ZNF804A: variants seen among roughly 807,000 people sequenced by gnomAD.
ZNF804A encodes the protein zinc finger protein 804A.
ZNF804A carries 2 observed loss-of-function variants against 16.5 expected under a neutral mutation model. That is an observed-to-expected ratio of 0.12 (90% CI 0.05 to 0.38). The LOEUF (loss-of-function observed/expected upper bound fraction) is 0.38, where lower values mean the gene tolerates loss of function less well. Ranked by LOEUF, ZNF804A falls within the 10% of genes least tolerant of loss-of-function variation. The pLI, the probability that ZNF804A is intolerant of heterozygous loss-of-function variation, is 0.99. For synonymous variants in ZNF804A, 534 were observed against 489.6 expected, an observed-to-expected ratio of 1.09 and a Z score of -1.20; for missense variants, 1,473 against 1,390.7, an observed-to-expected ratio of 1.06 and a Z score of -0.94.
chr2:184,933,697 T>C lies in ZNF804A; in HGVS notation c.350T>C (p.Leu117Pro). The C allele has an allele frequency of 6.2e-7, 1 of 1,608,082 alleles. No homozygotes were observed. The highest frequency in any genetic ancestry group is 8.5e-7 in the Non-Finnish European group (1 of 1,178,152). ...AAACAGGAAAAGGCACTCCAACGCC[T>C]GCACAAGCTGGCTGAGCTAAGAAAG... ...ERKQEKALQR[L>P]HKLAELRKET... Residue 117 changes from leucine (L) to proline (P), a missense_variant, in exon 3 of 4, where the codon CTG (leucine) becomes CCG (proline). Physicochemically the swap from Leu to Pro is moderately conservative, Grantham distance 98. Coordinates refer to ENST00000302277, the MANE Select transcript of ZNF804A (RefSeq NM_194250.2).
chr2:184,765,989 G>GAGC (rs1343189825), intron 1 of ZNF804A, among the ~76,000 whole-genome samples: 6 of 152,056 alleles, frequency 3.9e-5, no homozygotes, highest in African/African-American at 1.4e-4. Flanking sequence ...TATTTGGTTA[G>GAGC]AGCAGGAGAA....
chr2:184,802,416 T>C (rs1183249341), intron 1 of ZNF804A, among the ~76,000 whole-genome samples: 1 of 152,238 alleles, frequency 6.6e-6, no homozygotes, highest in African/African-American at 2.4e-5. Context: ...CGTTGTGTCC[T>C]TTAAGGTAAA....
Position 184,797,640 on chromosome 2 carries a change from T to G in ZNF804A, c.112-68729T>G, listed in dbSNP as rs565156957. Among the ~76,000 whole-genome samples the G allele has an allele frequency of 2.0e-5, 3 of 152,308 alleles. No individual in the cohort carries two copies. In the East Asian group the frequency reaches 5.8e-4, roughly 29 times the overall value. On this transcript the variant is annotated intron_variant, in intron 1 of 3. Transcript: ENST00000302277. The stretch of plus-strand genomic sequence containing the variant: ...TACACTCAACATTAGTATTGAAATG[T>G]GAGGTACCATTCCATTCATCATGCT...
At chr2:184,651,969 A>G (rs1339259013) in intron 1 of ZNF804A, among the ~76,000 whole-genome samples, 1 of 152,126 alleles carries the variant, frequency 6.6e-6, no homozygotes, top group Non-Finnish European at 1.5e-5. Flanking sequence ...GTTGTTCTGA[A>G]AAAAAGACAC....
chr2:184,922,077 A>T (rs1685536127), intron 2 of ZNF804A, among the ~76,000 whole-genome samples: 1 of 152,148 alleles, frequency 6.6e-6, no homozygotes, highest in Admixed American at 6.6e-5. Flanking sequence ...TGCAATAAAC[A>T]TGAGTGCACA....
At chr2:184,869,116 A>C (rs1297449820) in intron 2 of ZNF804A, among the ~76,000 whole-genome samples, 3 of 152,018 alleles carry the variant, frequency 2.0e-5, no homozygotes, top group Non-Finnish European at 2.9e-5. Context: ...GGTACCTATA[A>C]TGCAGATATC....
chr2:184,669,686 A>T (rs1418967444), intron 1 of ZNF804A, among the ~76,000 whole-genome samples: 1 of 152,012 alleles, frequency 6.6e-6, no homozygotes, highest in African/African-American at 2.4e-5. Flanking sequence ...GTTTAAAATT[A>T]CATCAAATAT....
intron 2 of ZNF804A, among the ~76,000 whole-genome samples, chr2:184,923,288 A>G (rs1472444921): frequency 6.6e-6 from 1 of 151,728 alleles, no homozygotes; most frequent in Admixed American, 6.6e-5. Flanking sequence ...AGTCTGAGGT[A>G]TTTTATTTTA....
chr2:184,895,937 G>T (rs1373777374), intron 2 of ZNF804A, among the ~76,000 whole-genome samples: 1 of 152,028 alleles, frequency 6.6e-6, no homozygotes, highest in Non-Finnish European at 1.5e-5. Flanking sequence ...CCTTCAGCAT[G>T]TAATAAAGTT....
At chr2:184,730,073 C>G (rs1693487781) in intron 1 of ZNF804A, among the ~76,000 whole-genome samples, 1 of 152,096 alleles carries the variant, frequency 6.6e-6, no homozygotes, top group South Asian at 2.1e-4. Flanking sequence ...GAACAAACTC[C>G]TTAAGAGATT....
intron 1 of ZNF804A, among the ~76,000 whole-genome samples, chr2:184,620,588 A>G (rs901909915): frequency 3.3e-5 from 5 of 151,764 alleles, no homozygotes; most frequent in African/African-American, 7.2e-5. Flanking sequence ...AACCTCTGGT[A>G]ATTTCTTAGT....
intron 1 of ZNF804A, among the ~76,000 whole-genome samples, chr2:184,847,163 A>G (rs1267536479): frequency 6.6e-6 from 1 of 152,134 alleles, no homozygotes; most frequent in Non-Finnish European, 1.5e-5. Flanking sequence ...AGTTGTACTC[A>G]ATTTAGCTCG....
chr2:184,608,577 A>G (rs1357935435), intron 1 of ZNF804A, among the ~76,000 whole-genome samples: 1 of 152,190 alleles, frequency 6.6e-6, no homozygotes, highest in Non-Finnish European at 1.5e-5. Context: ...CATCACAGTC[A>G]TAGAGTGACC....
At chr2:184,747,146 A>G (rs958052070) in intron 1 of ZNF804A, among the ~76,000 whole-genome samples, 1 of 151,164 alleles carries the variant, frequency 6.6e-6, no homozygotes, top group Non-Finnish European at 1.5e-5. Context: ...ATACTTTTCA[A>G]GAAGTAGAGA....
At chr2:184,729,535 A>G (rs183287214) in intron 1 of ZNF804A, among the ~76,000 whole-genome samples, 39 of 152,160 alleles carry the variant, frequency 2.6e-4, no homozygotes, top group Admixed American at 1.8e-3. Flanking sequence ...AATTTCCTCA[A>G]TGTTATCTCT....
At chr2:184,720,185 A>T (rs1008056719) in intron 1 of ZNF804A, among the ~76,000 whole-genome samples, 3 of 152,178 alleles carry the variant, frequency 2.0e-5, no homozygotes, top group Non-Finnish European at 4.4e-5. Context: ...AGAACAGTGC[A>T]GGAAAAACCC....
intron 1 of ZNF804A, among the ~76,000 whole-genome samples, chr2:184,855,711 G>A (rs956110255): frequency 4.6e-5 from 7 of 151,874 alleles, no homozygotes; most frequent in African/African-American, 1.7e-4. Context: ...AGGTTTTCAG[G>A]AGGAGTGTAT....
intron 2 of ZNF804A, among the ~76,000 whole-genome samples, chr2:184,894,345 A>G (rs1291537434): frequency 6.6e-6 from 1 of 152,144 alleles, no homozygotes. Flanking sequence ...ATGCTACATG[A>G]AATTTTTCAT....
chr2:184,685,652 T>C (rs1217863401), intron 1 of ZNF804A, among the ~76,000 whole-genome samples: 1 of 151,984 alleles, frequency 6.6e-6, no homozygotes, highest in Non-Finnish European at 1.5e-5. Flanking sequence ...TTCTATGGGC[T>C]CAGAAGGGAG....
Sources: allele counts gnomAD v4.1 joint callset (sites outside exome capture counted in the v4.1 genomes callset), GRCh38; gene constraint gnomAD v4.1.1; transcripts MANE v1.5; gene names NCBI Gene and HGNC (gene_info 2026-07-23, HGNC 2026-07-21).